Variants in VSX1 observed in about 807,000 individuals in gnomAD.
VSX1 encodes the protein homeodomain protein RINX.
A neutral mutation model predicts 23.6 loss-of-function variants in VSX1; 23 were observed. The ratio of observed to expected loss-of-function variants is 0.97; its 90% CI spans 0.70 to 1.38. The LOEUF (loss-of-function observed/expected upper bound fraction) is 1.38. Ranked by LOEUF, VSX1 falls within the 40% of genes most tolerant of loss-of-function variation. VSX1 has a pLI of 0.00. For missense variants in VSX1, 517 were observed against 495.4 expected, an observed-to-expected ratio of 1.04 and a Z score of -0.41; for synonymous variants, 247 against 215.1, an observed-to-expected ratio of 1.15 and a Z score of -1.30.
At chr20:25,074,720 A>G (rs1176915811), downstream of VSX1, among the ~76,000 whole-genome samples, 2 of 152,154 alleles carry the variant, frequency 1.3e-5, no homozygotes, top group Non-Finnish European at 2.9e-5. Flanking sequence ...TGTAAGTTGC[A>G]CAGCTTACTG....
chr20:25,079,499 G>T lies in VSX1; in HGVS notation c.440C>A (p.Ser147Tyr). 1 of 1,612,358 alleles carries T rather than the reference G, an allele frequency of 6.2e-7. No individual in the cohort carries two copies. Among genetic ancestry groups the T allele is most frequent in the South Asian group, 1.1e-5 (1 of 90,462 alleles). ...SVSTSDEDSQ[S>Y]EDRNDLKASP... ...TGCCTTTAGGTCATTCCTGTCTTCA[G>T]ACTGGCTGTCCTCATCTGATGGCAC... The change falls in exon 2 of 5, where the codon TCT becomes TAT. Residue 147 changes from serine to tyrosine, a missense_variant. Coordinates refer to ENST00000376709, the MANE Select transcript of VSX1 (RefSeq NM_014588.6).
downstream of VSX1, chr20:25,071,670 T>A (rs759119197): frequency 4.9e-4 from 302 of 614,288 alleles, 2 homozygotes; most frequent in Middle Eastern, 3.8e-3. Context: ...CACTAGGACC[T>A]AGCTGTCATG....
rs1007956320 is a variant in VSX1, at chr20:25,079,479, T to A, written c.460A>T (p.Lys154Ter). The A allele has an allele frequency of 6.2e-7, 1 of 1,612,932 alleles. No homozygotes were observed. The highest frequency in any genetic ancestry group is 1.3e-5 in the African/African-American group (1 of 74,864). The change falls in exon 2 of 5, where the codon AAG becomes TAG. Residue 154 changes from lysine (K) to a stop codon, truncating the protein, a stop_gained. Coordinates refer to ENST00000376709, the MANE Select transcript of VSX1 (RefSeq NM_014588.6). LOFTEE classifies it high-confidence loss of function. ...CTCTTGCCCAAGGTGGGGGATGCCT[T>A]TAGGTCATTCCTGTCTTCAGACTGG... The part of the protein sequence containing the change: ...DSQSEDRNDL[K>*]ASPTLGKRKK...
chr20:25,071,440 C>A, downstream of VSX1: 1 of 453,692 alleles, frequency 2.2e-6, no homozygotes, highest in South Asian at 1.6e-5. Context: ...CCACTGCACT[C>A]CAGCCTGGAG....
At chr20:25,071,370 A>C, downstream of VSX1, 1 of 453,822 alleles carries the variant, frequency 2.2e-6, no homozygotes, top group Non-Finnish European at 4.4e-6. Flanking sequence ...AACATAGGAG[A>C]CTGAGGTGGG....
chr20:25,076,572 AG>A (rs2089498177), intron 4 of VSX1, 22 bp from the exon 5 acceptor site: 1 of 1,581,284 alleles, frequency 6.3e-7, no homozygotes, highest in Non-Finnish European at 8.6e-7. Context: ...AAAAATAAAA[AG>A]GAAAAAATAA....
At position 25,077,805 on chromosome 20, in the gene VSX1, T is replaced by G; in HGVS notation, c.688A>C (p.Ser230Arg). Residue 230 changes from serine (S) to arginine (R), a missense_variant, in exon 4 of 5, where the codon AGC becomes CGC. By Grantham distance (110) the Ser-to-Arg change is moderately radical (BLOSUM62 -1). Transcript: ENST00000376709. ...RKREKRWGGS[S>R]VMAEYGLYGA... ...TACAGCCCGTACTCGGCCATCACGC[T>G]GCTGCCGCCCCAGCGCTTCTCCCGC... 6.4e-7 allele frequency: 1 copy of G among 1,551,384 alleles called. No individual in the cohort carries two copies. Among genetic ancestry groups the G allele is most frequent in the Non-Finnish European group, 8.7e-7 (1 of 1,147,094 alleles).
At position 25,077,654 on chromosome 20, in the gene VSX1, G is replaced by A. The variant is rs1236795736; in HGVS notation, c.808+31C>T. ...ATTCCCCCACCTCCTACAACACCTC[G>A]AGCCGTGCGATCCCGGGGGCCCTTC... On this transcript the variant is annotated intron_variant, in intron 4 of 4. Coordinates refer to ENST00000376709, the MANE Select transcript of VSX1 (RefSeq NM_014588.6). 4 of 1,541,128 alleles carry A rather than the reference G, an allele frequency of 2.6e-6. No individual in the cohort carries two copies. The East Asian group carries it at 7.3e-5, about 28-fold the overall frequency.
chr20:25,077,898 A>G (rs903175623), intron 3 of VSX1, 33 bp from the exon 4 acceptor site: 8 of 1,550,168 alleles, frequency 5.2e-6, no homozygotes, highest in Non-Finnish European at 6.1e-6. Flanking sequence ...GAAGGCACAC[A>G]GAAGAGACAG....
downstream of VSX1, among the ~76,000 whole-genome samples, chr20:25,074,954 T>C (rs538883837): frequency 3.3e-5 from 5 of 152,368 alleles, no homozygotes; most frequent in Middle Eastern, 3.4e-3. Flanking sequence ...CAGGCCTCAG[T>C]TATGATATCT....
chr20:25,081,198 C>T lies in VSX1; in HGVS notation c.424+475G>A, dbSNP rs140747830. The stretch of plus-strand genomic sequence containing the variant: ...CCCCAAGGGGCGGACAGTTCCAGGG[C>T]TCGAGGCCCCGTACTCTTCCAGGAC... On this transcript the variant is annotated intron_variant, in intron 1 of 4. Coordinates refer to ENST00000376709, the MANE Select transcript of VSX1 (RefSeq NM_014588.6). 7.2e-4 allele frequency among the ~76,000 whole-genome samples: 109 copies of T among 152,084 alleles called. 2 individuals are homozygous for T. In the East Asian group the frequency reaches 0.02, roughly 29 times the overall value.
chr20:25,078,631 C>G (rs2089563595), intron 3 of VSX1, 198 bp downstream of exon 3: 1 of 1,474,646 alleles, frequency 6.8e-7, no homozygotes, highest in Non-Finnish European at 9.0e-7. Flanking sequence ...TGATTTGATA[C>G]TAAATAATAA....
chr20:25,077,611 C>T (rs746515033), intron 4 of VSX1, 74 bp downstream of exon 4: 144 of 1,514,920 alleles, frequency 9.5e-5, no homozygotes, highest in Non-Finnish European at 1.2e-4. Context: ...ATGGCTGCCT[C>T]GGTGGGGACA....
At chr20:25,071,626 G>A (rs531429074), downstream of VSX1, 5 of 550,982 alleles carry the variant, frequency 9.1e-6, no homozygotes, top group Non-Finnish European at 1.7e-5. Context: ...TAATAAGGAG[G>A]GGAGTTTCTG....
In VSX1 at chr20:25,076,012, G is replaced by C; in HGVS notation, c.*249C>G. On this transcript the variant is annotated 3_prime_UTR_variant, in exon 5 of 5. Coordinates refer to ENST00000376709, the MANE Select transcript of VSX1 (RefSeq NM_014588.6). ...TCCTCCCTGCTCAAGCTACAAAAGA[G>C]AATCAAAAGTTTTGCACCAAGTTAA... The C allele has an allele frequency of 1.8e-6, 1 of 567,224 alleles. No homozygotes were observed. Among genetic ancestry groups the C allele is most frequent in the Non-Finnish European group, 3.1e-6 (1 of 320,272 alleles). 35.1% of individuals were successfully genotyped at this position (567,224 alleles called of 1,614,324 possible).
Position 25,078,955 on chromosome 20 carries a change from G to T in VSX1, c.504-3C>A. On this transcript the variant is annotated splice_region_variant and splice_polypyrimidine_tract_variant and intron_variant, in intron 2 of 4. Transcript: ENST00000376709. ...GCTGGTGAGCAGTGAAAACTGTCCTGCAAGGACCCCAAAACACACAGGTGG... is the reference window on the plus strand; with the variant it reads ...GCTGGTGAGCAGTGAAAACTGTCCTTCAAGGACCCCAAAACACACAGGTGG... 6.2e-7 allele frequency: 1 copy of T among 1,613,516 alleles called. No homozygotes were observed. Among genetic ancestry groups the T allele is most frequent in the Non-Finnish European group, 8.5e-7 (1 of 1,180,028 alleles).
intron 3 of VSX1, among the ~76,000 whole-genome samples, chr20:25,078,164 C>T (rs1023540271): frequency 2.6e-5 from 4 of 152,230 alleles, no homozygotes; most frequent in African/African-American, 4.8e-5. Context: ...AAGAATCAAA[C>T]TCCCTTTTCC....
At chr20:25,076,970 G>T (rs2089510122) in intron 4 of VSX1, among the ~76,000 whole-genome samples, 1 of 152,224 alleles carries the variant, frequency 6.6e-6, no homozygotes, top group Non-Finnish European at 1.5e-5. Flanking sequence ...GGATAGGGCT[G>T]CTTGGTAGCT....
intron 1 of VSX1, chr20:25,081,424 A>G: frequency 1.3e-6 from 1 of 756,704 alleles, no homozygotes; most frequent in Non-Finnish European, 2.4e-6. Flanking sequence ...TCCACCCGGA[A>G]CCAGGTGGTG....
Sources: allele counts gnomAD v4.1 joint callset (sites outside exome capture counted in the v4.1 genomes callset), GRCh38; gene constraint gnomAD v4.1.1; transcripts MANE v1.5; gene names NCBI Gene and HGNC (gene_info 2026-07-23, HGNC 2026-07-21).